TIMP3: variants seen among roughly 807,000 people sequenced by gnomAD.
TIMP3 encodes the protein metalloproteinase inhibitor 3.
Under a neutral mutation model 30.0 loss-of-function variants are expected in TIMP3, and 11 were observed. The ratio of observed to expected loss-of-function variants is 0.37; its 90% CI spans 0.23 to 0.61. The LOEUF (loss-of-function observed/expected upper bound fraction) is 0.61, where lower values mean the gene tolerates loss of function less well. TIMP3 is among the 20% of genes least tolerant of loss of function. The pLI is 0.70. For missense variants in TIMP3, 181 were observed against 276.8 expected (o/e 0.65, Z 2.45); for synonymous variants, 112 against 111.3 (o/e 1.01, Z -0.04).
intron 1 of TIMP3, among the ~76,000 whole-genome samples, chr22:32,809,716 C>T (rs575644235): frequency 1.2e-4 from 19 of 152,286 alleles, no homozygotes; most frequent in African/African-American, 2.9e-4. Flanking sequence ...TAATTATAGC[C>T]GAAAGCAAGG....
In TIMP3 at chr22:32,840,241, C is replaced by T. The variant is rs141319243; in HGVS notation, c.122-9211C>T. The stretch of plus-strand genomic sequence containing the variant: ...GGCATTCATTTCTTGCCAAAAAAAC[C>T]TGCTTAAATAAAACCAAGATTAATA... On this transcript the variant is annotated intron_variant, in intron 1 of 4. Coordinates refer to ENST00000266085, the MANE Select transcript of TIMP3 (RefSeq NM_000362.5). Among the ~76,000 whole-genome samples, 859 of 152,248 alleles carry T rather than the reference C, an allele frequency of 5.6e-3. 12 individuals are homozygous for T. Among genetic ancestry groups the T allele is most frequent in the African/African-American group, 0.02 (819 of 41,536 alleles).
At chr22:32,810,269 G>A (rs529072628) in intron 1 of TIMP3, among the ~76,000 whole-genome samples, 144 of 152,298 alleles carry the variant, frequency 9.5e-4, no homozygotes, top group Non-Finnish European at 1.9e-3. Flanking sequence ...CCATCTGTGT[G>A]GCTAGGATGG....
At chr22:32,826,339 G>T (rs1333271363) in intron 1 of TIMP3, among the ~76,000 whole-genome samples, 1 of 152,178 alleles carries the variant, frequency 6.6e-6, no homozygotes, top group African/African-American at 2.4e-5. Flanking sequence ...TGAGGCAGGA[G>T]AATCGCTTGA....
intron 1 of TIMP3, among the ~76,000 whole-genome samples, chr22:32,804,254 A>G (rs1569237165): frequency 1.3e-5 from 2 of 152,314 alleles, no homozygotes; most frequent in South Asian, 4.1e-4. Flanking sequence ...AATGCTTTTA[A>G]AATGGGAGGT....
intron 1 of TIMP3, among the ~76,000 whole-genome samples, chr22:32,811,700 G>A (rs975480674): frequency 4.6e-5 from 7 of 152,142 alleles, no homozygotes; most frequent in Non-Finnish European, 7.4e-5. Flanking sequence ...TTGGGGGGTC[G>A]GTCATAGTTC....
At chr22:32,802,189 G>T in intron 1 of TIMP3, 67 bp downstream of exon 1, 2 of 1,527,178 alleles carry the variant, frequency 1.3e-6, no homozygotes, top group Non-Finnish European at 1.8e-6. Context: ...GCTTAGGGAG[G>T]CAGGGCGAGC....
At chr22:32,808,859 C>T (rs2046836202) in intron 1 of TIMP3, among the ~76,000 whole-genome samples, 2 of 152,182 alleles carry the variant, frequency 1.3e-5, no homozygotes, top group South Asian at 4.1e-4. Flanking sequence ...GGGATCATTC[C>T]TGCGCTGGGA....
intron 1 of TIMP3, among the ~76,000 whole-genome samples, chr22:32,843,208 A>G (rs1486093282): frequency 6.6e-6 from 1 of 152,224 alleles, no homozygotes; most frequent in Admixed American, 6.5e-5. Context: ...CCATGAGGAC[A>G]GAGTTAAAGA....
intron 1 of TIMP3, among the ~76,000 whole-genome samples, chr22:32,811,968 C>T (rs985058602): frequency 1.3e-5 from 2 of 152,196 alleles, no homozygotes; most frequent in African/African-American, 2.4e-5. Flanking sequence ...GCTCCCCTAT[C>T]CACTGCCAGG....
chr22:32,805,359 C>G (rs1416595717), intron 1 of TIMP3, among the ~76,000 whole-genome samples: 1 of 152,186 alleles, frequency 6.6e-6, no homozygotes, highest in Non-Finnish European at 1.5e-5. Flanking sequence ...AGCAAAGAAG[C>G]CATTTTCAAA....
At chr22:32,856,246 T>A (rs1482982206) in intron 2 of TIMP3, among the ~76,000 whole-genome samples, 1 of 151,310 alleles carries the variant, frequency 6.6e-6, no homozygotes, top group African/African-American at 2.4e-5. Flanking sequence ...GCTACTTCTC[T>A]GGATTTCTGA....
At chr22:32,859,130 G>A in intron 4 of TIMP3, 50 bp from the exon 5 acceptor site, 2 of 1,599,072 alleles carry the variant, frequency 1.3e-6, no homozygotes, top group East Asian at 2.2e-5. Context: ...CCTCAGGCCT[G>A]GGCATACCAT....
chr22:32,843,773 C>T (rs1428089177), intron 1 of TIMP3, among the ~76,000 whole-genome samples: 2 of 152,140 alleles, frequency 1.3e-5, no homozygotes, highest in Non-Finnish European at 2.9e-5. Context: ...AGCCCCTTCC[C>T]TGGGACTGAC....
At position 32,818,983 on chromosome 22, in the gene TIMP3, C is replaced by G. The variant is rs557249757; in HGVS notation, c.121+16861C>G. On this transcript the variant is annotated intron_variant, in intron 1 of 4. Coordinates refer to ENST00000266085, the MANE Select transcript of TIMP3 (RefSeq NM_000362.5). ...ATAATTTCCTATTTCCTGCCTCCTC[C>G]TCCTCTGACACAGTTATAAATAACC... is the stretch of plus-strand genomic sequence containing the variant. 2.0e-5 allele frequency among the ~76,000 whole-genome samples: 3 copies of G among 152,322 alleles called. No homozygotes were observed. In the South Asian group the frequency reaches 6.2e-4, roughly 32 times the overall value.
intron 1 of TIMP3, among the ~76,000 whole-genome samples, chr22:32,819,525 C>T (rs2047178330): frequency 6.6e-6 from 1 of 152,194 alleles, no homozygotes; most frequent in Non-Finnish European, 1.5e-5. Context: ...GACAGATTCT[C>T]TCCTTGAACA....
At chr22:32,855,859 G>C (rs562372385) in intron 2 of TIMP3, among the ~76,000 whole-genome samples, 7 of 152,150 alleles carry the variant, frequency 4.6e-5, no homozygotes, top group Non-Finnish European at 8.8e-5. Flanking sequence ...GATACAAATA[G>C]CCAAATATCA....
rs1013037243 is a variant in TIMP3, at chr22:32,859,517, A to G, written c.*140A>G. ...ACTTGGAACATTTAAAGAAAGGTCT[A>G]TGCTGTCATATGGGGTTTATTGGGA... is the stretch of plus-strand genomic sequence containing the variant. On this transcript the variant is annotated 3_prime_UTR_variant, in exon 5 of 5. Coordinates refer to ENST00000266085, the MANE Select transcript of TIMP3 (RefSeq NM_000362.5). 4 of 1,073,980 alleles carry G rather than the reference A, an allele frequency of 3.7e-6. No homozygotes were observed. The highest frequency in any genetic ancestry group is 1.6e-5 in the African/African-American group (1 of 63,372). The allele number at this position is 1,073,980 out of a possible 1,614,324, so 66.5% of individuals were successfully genotyped here. A position where few individuals can be genotyped will look rare whatever the true frequency, so the allele number is the denominator to read the frequency against.
rs560869018 is a variant in TIMP3 at position 32,838,169 on chromosome 22, A to G, written c.122-11283A>G. Among the ~76,000 whole-genome samples, 8 of 152,324 alleles carry G rather than the reference A, an allele frequency of 5.3e-5. No homozygotes were observed. The South Asian group carries it at 1.5e-3, about 28-fold the overall frequency. On this transcript the variant is annotated intron_variant, in intron 1 of 4. Transcript: ENST00000266085. ...TTACTGAATCCCCAAGACATGGCAC[A>G]GGATCTGAGATGCATAGTTCCTCAA...
At chr22:32,841,398 G>C (rs2047898135) in intron 1 of TIMP3, among the ~76,000 whole-genome samples, 5 of 152,182 alleles carry the variant, frequency 3.3e-5, no homozygotes, top group Admixed American at 3.3e-4. Context: ...CCCCGCCCAA[G>C]TGAAGAAAGA....
Sources: allele counts gnomAD v4.1 joint callset (sites outside exome capture counted in the v4.1 genomes callset), GRCh38; gene constraint gnomAD v4.1.1; transcripts MANE v1.5; gene names NCBI Gene and HGNC (gene_info 2026-07-23, HGNC 2026-07-21).